Variants in PHF14 observed in about 807,000 individuals in gnomAD.
PHF14 encodes the protein PHD finger protein 14.
A neutral mutation model predicts 117.9 loss-of-function variants in PHF14; 55 were observed. That is an observed-to-expected ratio of 0.47 (90% CI 0.38 to 0.58). The LOEUF (loss-of-function observed/expected upper bound fraction) is 0.58, where lower values mean the gene tolerates loss of function less well. Ranked by LOEUF, PHF14 falls within the 20% of genes least tolerant of loss-of-function variation. The probability of loss-of-function intolerance (pLI) is 0.00; values close to 1 mark genes in which losing one functional copy is unlikely to be tolerated. For synonymous variants in PHF14, 409 were observed against 368.6 expected (o/e 1.11, Z -1.26); for missense variants, 978 against 1,122.2 (o/e 0.87, Z 1.84).
In PHF14 at chr7:11,112,406, T is replaced by C. The variant is rs374351619; in HGVS notation, c.2772+939T>C. ...CAGAGGCCTTCTGCAAAAGTTTATT[T>C]ATTAAAAACTGCAAAAAGACATTTG... On this transcript the variant is annotated intron_variant, in intron 17 of 17. Transcript: ENST00000634607. Among the ~76,000 whole-genome samples, 4 of 152,314 alleles carry C rather than the reference T, an allele frequency of 2.6e-5. No individual in the cohort carries two copies. In the East Asian group the frequency reaches 5.8e-4, roughly 22 times the overall value.
Position 10,974,293 on chromosome 7 carries a change from C to G in PHF14, c.-31C>G, listed in dbSNP as rs771487470. The G allele has an allele frequency of 1.3e-6, 2 of 1,582,950 alleles. No homozygotes were observed. The highest frequency in any genetic ancestry group is 1.7e-6 in the Non-Finnish European group (2 of 1,163,270). On this transcript the variant is annotated 5_prime_UTR_variant, in exon 1 of 18. Coordinates refer to ENST00000634607, the MANE Select transcript of PHF14 (RefSeq NM_001007157.2). ...GGGCTCCTGCAGCCTCTCCCTAAGT[C>G]TTCTCCAAACGACCACCTCACGGAT...
In PHF14 at chr7:11,040,685, C is replaced by A; in HGVS notation, c.2090C>A (p.Pro697Gln). The change falls in exon 12 of 18, where the codon CCG becomes CAG. Residue 697 changes from proline to glutamine, a missense_variant. Pro to Gln is a moderately conservative substitution (Grantham distance 76, BLOSUM62 -1). Around this residue, in one of 7 missense-constraint regions of PHF14, gnomAD observed 237 missense variants for 276.4 expected, o/e 0.86. Transcript: ENST00000634607. Reference sequence around the variant, plus strand: ...TCAAATCAATAGAAGTTGAATATACCGGCAATTTTGCGAGCACCCAAGGAG... The same window carrying A: ...TCAAATCAATAGAAGTTGAATATACAGGCAATTTTGCGAGCACCCAAGGAG... The part of the protein sequence containing the change: ...GRITGQKLNI[P>Q]AILRAPKERK... The A allele has an allele frequency of 6.5e-7, 1 of 1,544,872 alleles. No homozygotes were observed. The highest frequency in any genetic ancestry group is 1.2e-5 in the South Asian group (1 of 81,534).
At chr7:11,013,181 G>A (rs1783412470) in intron 4 of PHF14, among the ~76,000 whole-genome samples, 2 of 152,072 alleles carry the variant, frequency 1.3e-5, no homozygotes, top group East Asian at 1.9e-4. Context: ...TTTTTTATGA[G>A]ATGGAATTTT....
At chr7:11,118,507 G>C (rs541909492) in intron 17 of PHF14, among the ~76,000 whole-genome samples, 1 of 151,736 alleles carries the variant, frequency 6.6e-6, no homozygotes, top group African/African-American at 2.4e-5. Flanking sequence ...ACTAATTATA[G>C]TTGGTACTTT....
intron 16 of PHF14, among the ~76,000 whole-genome samples, chr7:11,067,446 A>T (rs899071030): frequency 1.3e-5 from 2 of 152,188 alleles, no homozygotes; most frequent in Admixed American, 6.5e-5. Flanking sequence ...TTACCATTTG[A>T]TCTGTTAATA....
In PHF14 at chr7:11,116,824, C is replaced by G. The variant is rs555637325; in HGVS notation, c.2772+5357C>G. ...CTTCAGTTTTTACAAAGTTTTGAAG[C>G]TAAAAATTAACTTTTTGGAATTTTA... On this transcript the variant is annotated intron_variant, in intron 17 of 17. Coordinates refer to ENST00000634607, the MANE Select transcript of PHF14 (RefSeq NM_001007157.2). Among the ~76,000 whole-genome samples the G allele has an allele frequency of 7.2e-5, 11 of 151,940 alleles. No homozygotes were observed. The South Asian group carries it at 2.3e-3, about 32-fold the overall frequency.
At chr7:11,156,496 T>C (rs889375764) in intron 17 of PHF14, among the ~76,000 whole-genome samples, 2 of 152,126 alleles carry the variant, frequency 1.3e-5, no homozygotes, top group African/African-American at 4.8e-5. Flanking sequence ...TAGTAAAGTT[T>C]TAGAAATTCA....
At position 11,051,769 on chromosome 7, in the gene PHF14, A is replaced by T. The variant is rs747450424; in HGVS notation, c.2470A>T (p.Ile824Leu). The change falls in exon 14 of 18, where the codon ATA becomes TTA. Residue 824 changes from isoleucine to leucine, a missense_variant. Coordinates refer to ENST00000634607, the MANE Select transcript of PHF14 (RefSeq NM_001007157.2). ...GCCACCAGAACCCAAGAAGATTCCG[A>T]TAAGAAACACGGTAGTTTATTTTTT... ...DVPPEPKKIPIRNTRTRGRKR... is the reference protein window; with the variant it reads ...DVPPEPKKIPLRNTRTRGRKR... 3.1e-6 allele frequency: 5 copies of T among 1,613,168 alleles called. No homozygotes were observed. Among genetic ancestry groups the T allele is most frequent in the Non-Finnish European group, 4.2e-6 (5 of 1,179,510 alleles).
At chr7:11,077,339 C>T (rs1785902017) in intron 16 of PHF14, among the ~76,000 whole-genome samples, 1 of 151,378 alleles carries the variant, frequency 6.6e-6, no homozygotes, top group Non-Finnish European at 1.5e-5. Flanking sequence ...CAGTGGGGCT[C>T]ATGCCTGAAT....
chr7:11,031,700 A>G (rs191955915), intron 7 of PHF14, among the ~76,000 whole-genome samples: 125 of 152,156 alleles, frequency 8.2e-4, no homozygotes, highest in Non-Finnish European at 1.4e-3. Flanking sequence ...GCTGCATTGA[A>G]CTATGTTCTC....
At chr7:11,160,374 T>G (rs1324955821) in intron 17 of PHF14, among the ~76,000 whole-genome samples, 1 of 152,162 alleles carries the variant, frequency 6.6e-6, no homozygotes, top group Non-Finnish European at 1.5e-5. Flanking sequence ...TACAAATGTG[T>G]GTGTCTTTTT....
intron 14 of PHF14, among the ~76,000 whole-genome samples, chr7:11,053,088 G>T (rs1385224465): frequency 6.6e-6 from 1 of 152,042 alleles, no homozygotes; most frequent in Non-Finnish European, 1.5e-5. Flanking sequence ...GAGATACAAA[G>T]ATATTTTTAG....
chr7:11,022,075 G>T (rs976951210), intron 5 of PHF14, among the ~76,000 whole-genome samples: 33 of 152,180 alleles, frequency 2.2e-4, no homozygotes, highest in African/African-American at 7.9e-4. Context: ...TAAGCAAGCA[G>T]AAAGAGTGCC....
chr7:11,049,070 A>C (rs557150765), intron 13 of PHF14, among the ~76,000 whole-genome samples: 1 of 152,290 alleles, frequency 6.6e-6, no homozygotes, highest in African/African-American at 2.4e-5. Context: ...TCAGTTTTTA[A>C]AACAAAACAA....
intron 6 of PHF14, among the ~76,000 whole-genome samples, chr7:11,023,391 G>A (rs759258429): frequency 4.6e-5 from 7 of 152,168 alleles, no homozygotes; most frequent in Non-Finnish European, 1.0e-4. Context: ...GTTTTGGGGC[G>A]TGCCGTTAAC....
At chr7:11,154,781 C>A (rs1210021977) in intron 17 of PHF14, among the ~76,000 whole-genome samples, 2 of 152,110 alleles carry the variant, frequency 1.3e-5, no homozygotes. Context: ...TAGCCTTTTC[C>A]TAATTACTAC....
chr7:10,995,221 C>T lies in PHF14; in HGVS notation c.1045+4374C>T, dbSNP rs184730446. On this transcript the variant is annotated intron_variant, in intron 4 of 17. Coordinates refer to ENST00000634607, the MANE Select transcript of PHF14 (RefSeq NM_001007157.2). Reference sequence around the variant, plus strand: ...GCTAGACATAAAGGTTCTCCAAGTCCCCACCAGATTAGCTAGATACAGAGT... The same window carrying T: ...GCTAGACATAAAGGTTCTCCAAGTCTCCACCAGATTAGCTAGATACAGAGT... 1.3e-4 allele frequency among the ~76,000 whole-genome samples: 20 copies of T among 151,420 alleles called. No homozygotes were observed. The East Asian group carries it at 3.7e-3, about 28-fold the overall frequency.
At chr7:10,991,429 G>A (rs1241633686) in intron 4 of PHF14, among the ~76,000 whole-genome samples, 1 of 151,922 alleles carries the variant, frequency 6.6e-6, no homozygotes, top group Non-Finnish European at 1.5e-5. Flanking sequence ...ACCCGCCTTG[G>A]CCACCCAAGG....
At position 10,982,655 on chromosome 7, in the gene PHF14, G is replaced by A. The variant is rs763121127; in HGVS notation, c.396G>A (p.Glu132=). ...EKEKEKEKER[E]KEKEKATVSE... ...AAAAGGAGAAAGAGAAGGAAAGAGA[G>A]AAGGAAAAAGAAAAAGCAACAGTAT... The change falls in exon 3 of 18, where the codon GAG becomes GAA. Residue 132 remains glutamate, a synonymous_variant. Transcript: ENST00000634607. 4.9e-5 allele frequency: 74 copies of A among 1,516,454 alleles called. No individual in the cohort carries two copies. Among genetic ancestry groups the A allele is most frequent in the Non-Finnish European group, 6.2e-5 (69 of 1,111,810 alleles). 93.9% of individuals were successfully genotyped at this position (1,516,454 alleles called of 1,614,324 possible).
Sources: gnomAD v4.1 joint callset for allele counts (sites outside exome capture counted in the v4.1 genomes callset) on GRCh38, gnomAD v4.1.1 for gene constraint, gnomAD v4.1.1 regional missense constraint, MANE v1.5 for transcripts, NCBI Gene and HGNC (gene_info 2026-07-23, HGNC 2026-07-21) for gene names.